The following NXN variants were observed in gnomAD, a reference collection of about 807,000 sequenced individuals.
NXN encodes nucleoredoxin 1.
Under a neutral mutation model 48.6 loss-of-function variants are expected in NXN, and 16 were observed. The observed-to-expected ratio is 0.33, with a 90% CI of 0.22 to 0.50. NXN has a LOEUF of 0.50. Among genes scored for constraint, NXN ranks in the 20% least tolerant of loss-of-function variants. NXN has a pLI of 0.98. For synonymous variants in NXN, 281 were observed against 269.6 expected (o/e 1.04, Z -0.41); for missense variants, 492 against 605.5 (o/e 0.81, Z 1.97).
intron 5 of NXN, among the ~76,000 whole-genome samples, chr17:807,549 G>T (rs1222988003): frequency 1.3e-5 from 2 of 152,234 alleles, no homozygotes; most frequent in African/African-American, 4.8e-5. Context: ...GTGCCTGCGG[G>T]GCCCAGGACA....
chr17:896,856 C>CGGGGGGGGCCGG, intron 1 of NXN: 1 of 1,156,932 alleles, frequency 8.6e-7, no homozygotes, highest in Non-Finnish European at 1.1e-6. Flanking sequence ...CGGTCCTGAC[C>CGGGGGGGGCCGG]ACCCGCCCCC....
chr17:876,692 G>A (rs940315936), intron 1 of NXN, among the ~76,000 whole-genome samples: 8 of 152,102 alleles, frequency 5.3e-5, no homozygotes, highest in Non-Finnish European at 1.2e-4. Context: ...TCATTTATAC[G>A]GGAAACTCCT....
intron 1 of NXN, among the ~76,000 whole-genome samples, chr17:843,871 C>A (rs1389516423): frequency 6.6e-6 from 1 of 152,134 alleles, no homozygotes; most frequent in African/African-American, 2.4e-5. Context: ...CAAAGAGAAA[C>A]AAATCTGAAC....
At chr17:927,444 A>C (rs2068811926) in intron 1 of NXN, among the ~76,000 whole-genome samples, 1 of 151,922 alleles carries the variant, frequency 6.6e-6, no homozygotes, top group Non-Finnish European at 1.5e-5. Context: ...CCCCGTCTCC[A>C]CAGAAAATAA....
intron 1 of NXN, chr17:863,945 A>G (rs2144786821): frequency 6.6e-7 from 1 of 1,523,752 alleles, no homozygotes. Flanking sequence ...GATCAGCAGC[A>G]GCAATGCCTG....
intron 1 of NXN, among the ~76,000 whole-genome samples, chr17:911,625 G>A (rs554474335): frequency 2.4e-4 from 37 of 151,680 alleles, no homozygotes; most frequent in Non-Finnish European, 2.5e-4. Flanking sequence ...CACCACACCC[G>A]GCTAATTTTT....
chr17:861,414 G>A (rs374099762), intron 1 of NXN, among the ~76,000 whole-genome samples: 1 of 152,176 alleles, frequency 6.6e-6, no homozygotes, highest in South Asian at 2.1e-4. Flanking sequence ...GATTACAGGC[G>A]TGAGCCGCCG....
intron 1 of NXN, among the ~76,000 whole-genome samples, chr17:967,098 G>A (rs529775341): frequency 6.6e-6 from 1 of 152,104 alleles, no homozygotes; most frequent in South Asian, 2.1e-4. Flanking sequence ...GATTTTTCTT[G>A]ACAAGCCCCC....
intron 1 of NXN, among the ~76,000 whole-genome samples, chr17:852,457 C>G: frequency 6.6e-6 from 1 of 152,326 alleles, no homozygotes; most frequent in East Asian, 1.9e-4. Context: ...CAGAAAAAGT[C>G]AGGATGGATT....
At chr17:896,149 G>A (rs554683044) in intron 1 of NXN, among the ~76,000 whole-genome samples, 3 of 152,016 alleles carry the variant, frequency 2.0e-5, no homozygotes, top group Non-Finnish European at 2.9e-5. Flanking sequence ...AGACCAGCCT[G>A]ACAACATGGA....
At chr17:801,339 C>T (rs557483806) in intron 7 of NXN, among the ~76,000 whole-genome samples, 50 of 152,186 alleles carry the variant, frequency 3.3e-4, no homozygotes, top group African/African-American at 9.9e-4. Context: ...TCTTTGCATC[C>T]GCCCTGCAAA....
chr17:971,743 T>A (rs2069382927), intron 1 of NXN, among the ~76,000 whole-genome samples: 1 of 151,340 alleles, frequency 6.6e-6, no homozygotes, highest in South Asian at 2.1e-4. Flanking sequence ...TTCACAAAGA[T>A]TCCAAATTCA....
intron 1 of NXN, among the ~76,000 whole-genome samples, chr17:870,185 C>T (rs1287232668): frequency 6.6e-6 from 1 of 152,170 alleles, no homozygotes; most frequent in Non-Finnish European, 1.5e-5. Flanking sequence ...CAAGCCTCTC[C>T]TGGGATTATT....
At chr17:939,291 A>G (rs763603506) in intron 1 of NXN, among the ~76,000 whole-genome samples, 3 of 152,058 alleles carry the variant, frequency 2.0e-5, no homozygotes, top group Non-Finnish European at 4.4e-5. Context: ...TGGTACATAT[A>G]TACACATAGA....
At chr17:897,941 G>A (rs9903605) in intron 1 of NXN, among the ~76,000 whole-genome samples, 25,455 of 152,062 alleles carry the variant, frequency 0.17, 2,249 homozygotes, top group Middle Eastern at 0.33. Context: ...TCGGCCTCCC[G>A]AAGTGCTGGG....
chr17:870,912 G>A (rs899729493), intron 1 of NXN, among the ~76,000 whole-genome samples: 1 of 152,060 alleles, frequency 6.6e-6, no homozygotes, highest in African/African-American at 2.4e-5. Flanking sequence ...AGGCTGGAGT[G>A]CAGTGGTGCG....
chr17:842,998 G>GAGAAAGAGAGAA (rs201329795), intron 1 of NXN, among the ~76,000 whole-genome samples: 9 of 105,054 alleles, frequency 8.6e-5, no homozygotes, highest in Admixed American at 4.7e-4. Flanking sequence ...GAGAGAAAGA[G>GAGAAAGAGAGAA]AGAAAGAGAG....
intron 1 of NXN, among the ~76,000 whole-genome samples, chr17:925,414 G>C (rs1324591906): frequency 6.6e-6 from 1 of 152,160 alleles, no homozygotes. Flanking sequence ...CTGAGACAGA[G>C]TTTTGCTCTT....
chr17:910,422 A>G (rs1357374908), intron 1 of NXN, among the ~76,000 whole-genome samples: 2 of 152,078 alleles, frequency 1.3e-5, no homozygotes, highest in East Asian at 3.8e-4. Context: ...AAAAAAAAAA[A>G]AAAGTTCTAA....
Sources: allele counts gnomAD v4.1 joint callset (sites outside exome capture counted in the v4.1 genomes callset), GRCh38; gene constraint gnomAD v4.1.1; transcripts MANE v1.5; gene names NCBI Gene and HGNC (gene_info 2026-07-23, HGNC 2026-07-21).